Variants in GPATCH2 observed in about 807,000 individuals in gnomAD.
GPATCH2 encodes the protein G patch domain-containing protein 2.
A neutral mutation model predicts 58.0 loss-of-function variants in GPATCH2; 51 were observed. The observed-to-expected ratio is 0.88, with a 90% CI of 0.70 to 1.11. GPATCH2 has a LOEUF of 1.11. Ranked by LOEUF, GPATCH2 falls within the 50% of genes most tolerant of loss-of-function variation. The pLI is 0.00. For missense variants in GPATCH2, 625 were observed against 652.2 expected, an observed-to-expected ratio of 0.96 and a Z score of 0.45; for synonymous variants, 222 against 218.5, an observed-to-expected ratio of 1.02 and a Z score of -0.14.
chr1:217,578,265 A>G (rs769761916), intron 5 of GPATCH2, among the ~76,000 whole-genome samples: 10 of 151,874 alleles, frequency 6.6e-5, no homozygotes, highest in Non-Finnish European at 1.2e-4. Context: ...GTCTTGCTCT[A>G]TTGCCCAGAT....
At chr1:217,497,237 T>C (rs1662056848) in intron 7 of GPATCH2, among the ~76,000 whole-genome samples, 1 of 152,100 alleles carries the variant, frequency 6.6e-6, no homozygotes, top group Non-Finnish European at 1.5e-5. Context: ...ATAAGAACCA[T>C]TTAGGAAAGC....
intron 2 of GPATCH2, 47 bp downstream of exon 2, chr1:217,619,736 A>C (rs1425598906): frequency 1.4e-6 from 1 of 716,554 alleles, no homozygotes; most frequent in Middle Eastern, 2.7e-4. Context: ...ATTCAACCAC[A>C]AACACTGGAG....
chr1:217,524,409 C>G (rs1376605753), intron 5 of GPATCH2, among the ~76,000 whole-genome samples: 1 of 150,192 alleles, frequency 6.7e-6, no homozygotes, highest in South Asian at 2.1e-4. Context: ...TCCTCACATC[C>G]CAGACGATGG....
chr1:217,607,075 C>T (rs1354705271), intron 5 of GPATCH2, among the ~76,000 whole-genome samples: 1 of 152,208 alleles, frequency 6.6e-6, no homozygotes, highest in Admixed American at 6.5e-5. Context: ...TCTGCAATAT[C>T]ACTTTGCTCT....
At chr1:217,622,372 T>C (rs1669230424) in intron 1 of GPATCH2, among the ~76,000 whole-genome samples, 1 of 152,246 alleles carries the variant, frequency 6.6e-6, no homozygotes, top group Non-Finnish European at 1.5e-5. Context: ...AATGTGAATT[T>C]GTATTTTCTA....
chr1:217,518,174 T>C (rs1343417775), intron 5 of GPATCH2, among the ~76,000 whole-genome samples: 1 of 152,148 alleles, frequency 6.6e-6, no homozygotes, highest in Non-Finnish European at 1.5e-5. Context: ...CTAGATAACA[T>C]AACTTTTGTG....
chr1:217,447,940 A>G (rs928354151), intron 9 of GPATCH2, among the ~76,000 whole-genome samples: 1 of 152,058 alleles, frequency 6.6e-6, no homozygotes, highest in African/African-American at 2.4e-5. Flanking sequence ...TCTACTAAAA[A>G]TACAAAAATT....
intron 2 of GPATCH2, among the ~76,000 whole-genome samples, chr1:217,617,989 A>T (rs1668980155): frequency 6.6e-6 from 1 of 152,148 alleles, no homozygotes; most frequent in Admixed American, 6.6e-5. Flanking sequence ...GAGCTTGCAC[A>T]ATGAATCCAA....
chr1:217,434,007 C>G (rs954942286), intron 9 of GPATCH2, among the ~76,000 whole-genome samples: 1 of 152,134 alleles, frequency 6.6e-6, no homozygotes, highest in African/African-American at 2.4e-5. Context: ...ATTTCAAGAC[C>G]AAGAAGAAGA....
At chr1:217,523,054 T>C (rs982946542) in intron 5 of GPATCH2, among the ~76,000 whole-genome samples, 2 of 151,828 alleles carry the variant, frequency 1.3e-5, no homozygotes, top group Non-Finnish European at 2.9e-5. Context: ...TGCTCCTATG[T>C]TTGGGTGGAA....
At chr1:217,538,992 A>C (rs1335980524) in intron 5 of GPATCH2, among the ~76,000 whole-genome samples, 1 of 152,176 alleles carries the variant, frequency 6.6e-6, no homozygotes, top group Non-Finnish European at 1.5e-5. Flanking sequence ...AAGGTGTATC[A>C]ATGTGGACAA....
intron 5 of GPATCH2, among the ~76,000 whole-genome samples, chr1:217,532,909 T>C (rs1284051755): frequency 3.4e-5 from 5 of 145,360 alleles, no homozygotes; most frequent in African/African-American, 1.0e-4. Context: ...TGTTTTTTTT[T>C]TTTTTTTGAG....
At chr1:217,614,774 CAAA>C (rs11475032) in intron 2 of GPATCH2, among the ~76,000 whole-genome samples, 4 of 92,060 alleles carry the variant, frequency 4.3e-5, no homozygotes, top group Admixed American at 1.2e-4. Context: ...CACTTTTAAG[CAAA>C]AAAAAAAAAA....
At chr1:217,518,786 T>C (rs1663307501) in intron 5 of GPATCH2, among the ~76,000 whole-genome samples, 1 of 152,252 alleles carries the variant, frequency 6.6e-6, no homozygotes, top group Non-Finnish European at 1.5e-5. Flanking sequence ...AACTTCGCTC[T>C]GCTTTTCAAC....
intron 7 of GPATCH2, among the ~76,000 whole-genome samples, chr1:217,495,502 C>T (rs531377813): frequency 1.5e-4 from 23 of 152,334 alleles, no homozygotes; most frequent in Non-Finnish European, 3.1e-4. Context: ...TGATCTGACT[C>T]ACTAAGATAC....
intron 5 of GPATCH2, among the ~76,000 whole-genome samples, chr1:217,605,074 T>G (rs1668292335): frequency 6.6e-6 from 1 of 152,100 alleles, no homozygotes; most frequent in South Asian, 2.1e-4. Flanking sequence ...TGTAAAAGGC[T>G]ATAAAGTAGA....
intron 1 of GPATCH2, among the ~76,000 whole-genome samples, chr1:217,622,494 G>A (rs1669238109): frequency 6.6e-6 from 1 of 152,180 alleles, no homozygotes; most frequent in Non-Finnish European, 1.5e-5. Context: ...AAACTCTGGA[G>A]GGCCACTGAG....
chr1:217,486,141 A>G (rs886300108), intron 8 of GPATCH2, among the ~76,000 whole-genome samples: 4 of 152,212 alleles, frequency 2.6e-5, no homozygotes, highest in African/African-American at 9.6e-5. Context: ...TAAGATATTG[A>G]GTCTTCTGAC....
intron 8 of GPATCH2, among the ~76,000 whole-genome samples, chr1:217,471,220 T>TA (rs1464846324): frequency 6.6e-6 from 1 of 152,090 alleles, no homozygotes; most frequent in Non-Finnish European, 1.5e-5. Flanking sequence ...CTTAAACCAT[T>TA]AAAATAAAGC....
Sources: allele counts gnomAD v4.1 joint callset (sites outside exome capture counted in the v4.1 genomes callset), GRCh38; gene constraint gnomAD v4.1.1; transcripts MANE v1.5; gene names NCBI Gene and HGNC (gene_info 2026-07-23, HGNC 2026-07-21).